SPRED2: variants seen among roughly 807,000 people sequenced by gnomAD.
The protein encoded by SPRED2 is sprouty related EVH1 domain containing 2.
Under a neutral mutation model 43.0 loss-of-function variants are expected in SPRED2, and 47 were observed. The ratio of observed to expected loss-of-function variants is 1.09; its 90% CI spans 0.87 to 1.40. SPRED2 has a LOEUF of 1.40. Ranked by LOEUF, SPRED2 falls within the 40% of genes most tolerant of loss-of-function variation. The pLI, the probability that SPRED2 is intolerant of heterozygous loss-of-function variation, is 0.00. For missense variants in SPRED2, 561 were observed against 586.4 expected, an observed-to-expected ratio of 0.96 and a Z score of 0.45; for synonymous variants, 225 against 225.7, an observed-to-expected ratio of 1.00 and a Z score of 0.03.
intron 1 of SPRED2, among the ~76,000 whole-genome samples, chr2:65,409,691 C>CAAAAAAA (rs59225849): frequency 2.2e-5 from 2 of 90,228 alleles, no homozygotes; most frequent in African/African-American, 4.7e-5. Flanking sequence ...CAGTTTCCTG[C>CAAAAAAA]AAAAAAAAAA....
rs1270396804 is a variant in SPRED2, at chr2:65,322,292, ATAT to A, written c.439-5412_439-5410del. Among the ~76,000 whole-genome samples the A allele has an allele frequency of 9.2e-3, 653 of 70,774 alleles. 50 individuals are homozygous for A. The highest frequency in any genetic ancestry group is 0.052 in the East Asian group (83 of 1,590). The allele number at this position is 70,774 out of a possible 152,430, so 46.4% of individuals were successfully genotyped here. On this transcript the variant is annotated intron_variant, in intron 4 of 5. Coordinates refer to ENST00000356388, the MANE Select transcript of SPRED2 (RefSeq NM_181784.3). ...TCTCTATATATATATATATATATAT[ATAT>A]TTTTTTTTTTTTTTTTGAGACGGAG...
intron 1 of SPRED2, among the ~76,000 whole-genome samples, chr2:65,360,100 C>CAAAAAAAAAAAAAAAAAAAAAAAAAAAA (rs57801875): frequency 9.7e-6 from 1 of 103,224 alleles, no homozygotes; most frequent in Non-Finnish European, 1.9e-5. Context: ...AAAAAAAAAA[C>CAAAAAAAAAAAAAAAAAAAAAAAAAAAA]AAAAAAAAAA....
intron 1 of SPRED2, among the ~76,000 whole-genome samples, chr2:65,389,724 ATAAC>A (rs966211933): frequency 3.9e-5 from 6 of 152,212 alleles, no homozygotes; most frequent in African/African-American, 1.4e-4. Flanking sequence ...AGTTCAGACA[ATAAC>A]TAAAGGTATT....
chr2:65,405,889 T>G (rs1400221660), intron 1 of SPRED2, among the ~76,000 whole-genome samples: 1 of 152,108 alleles, frequency 6.6e-6, no homozygotes, highest in African/African-American at 2.4e-5. Flanking sequence ...AAGTGACTGT[T>G]CCCACTTTCT....
intron 1 of SPRED2, among the ~76,000 whole-genome samples, chr2:65,350,207 G>C (rs1368448720): frequency 6.6e-6 from 1 of 152,190 alleles, no homozygotes; most frequent in African/African-American, 2.4e-5. Context: ...TGCAGGGTTT[G>C]TTAGTGGTGG....
intron 1 of SPRED2, among the ~76,000 whole-genome samples, chr2:65,382,159 A>G (rs1004181938): frequency 1.3e-5 from 2 of 152,198 alleles, no homozygotes; most frequent in African/African-American, 4.8e-5. Context: ...TGTGGGCAAA[A>G]GAACAATTTA....
At chr2:65,348,914 G>A (rs1303514008) in intron 1 of SPRED2, among the ~76,000 whole-genome samples, 1 of 151,936 alleles carries the variant, frequency 6.6e-6, no homozygotes, top group African/African-American at 2.4e-5. Flanking sequence ...CCTAAAAATT[G>A]AAAAATCATG....
At chr2:65,338,383 G>A (rs1674045598) in intron 2 of SPRED2, among the ~76,000 whole-genome samples, 2 of 149,846 alleles carry the variant, frequency 1.3e-5, no homozygotes, top group South Asian at 2.1e-4. Context: ...ATCTCGGCTC[G>A]CTGCAGCCTC....
chr2:65,316,802 G>T lies in SPRED2; in HGVS notation c.520C>A (p.His174Asn), dbSNP rs1290452834. The change falls in exon 5 of 6, where the codon CAC (histidine) becomes AAC (asparagine). Residue 174 changes from histidine to asparagine, a missense_variant. Physicochemically the swap from His to Asn is moderately conservative, Grantham distance 68 (BLOSUM62 1). Transcript: ENST00000356388. ...RTISSPTSCE[H>N]RRIYTLGHLH... ...TGGCCCAGGGTATAAATCCTCCGGT[G>T]CTCACAGGATGTGGGAGAGGAGATT... 1 of 1,613,592 alleles carries T rather than the reference G, an allele frequency of 6.2e-7. No homozygotes were observed. The highest frequency in any genetic ancestry group is 1.3e-5 in the African/African-American group (1 of 75,054).
intron 1 of SPRED2, among the ~76,000 whole-genome samples, chr2:65,369,865 T>C (rs1369163243): frequency 1.3e-5 from 2 of 152,252 alleles, no homozygotes; most frequent in Non-Finnish European, 2.9e-5. Context: ...TCTTAGAACC[T>C]GGAAAGCAGC....
chr2:65,332,950 G>C (rs141362861), intron 3 of SPRED2, among the ~76,000 whole-genome samples: 58 of 152,274 alleles, frequency 3.8e-4, no homozygotes, highest in African/African-American at 1.3e-3. Flanking sequence ...TTCTTGGTTA[G>C]ATCTTTTAAA....
At chr2:65,369,339 T>C (rs995379071) in intron 1 of SPRED2, among the ~76,000 whole-genome samples, 5 of 152,216 alleles carry the variant, frequency 3.3e-5, no homozygotes, top group African/African-American at 1.2e-4. Context: ...CCTGAGAATA[T>C]TGTTCAAGTT....
chr2:65,406,767 C>G lies in SPRED2; in HGVS notation c.26+25195G>C, dbSNP rs74649692. ...CTTGCAGGAAGCTAACCTGTTCCAC[C>G]AGAATGGCCTGATAAAGGCAGCCGC... On this transcript the variant is annotated intron_variant, in intron 1 of 5. Transcript: ENST00000356388. Among the ~76,000 whole-genome samples, 23 of 152,274 alleles carry G rather than the reference C, an allele frequency of 1.5e-4. 1 individual carries two copies. The East Asian group carries it at 4.3e-3, about 28-fold the overall frequency.
chr2:65,417,930 ACT>A, intron 1 of SPRED2, among the ~76,000 whole-genome samples: 1 of 152,326 alleles, frequency 6.6e-6, no homozygotes, highest in South Asian at 2.1e-4. Context: ...ACAAAACTTC[ACT>A]TGGGTTAATT....
chr2:65,398,146 C>T (rs1675800487), intron 1 of SPRED2, among the ~76,000 whole-genome samples: 1 of 152,154 alleles, frequency 6.6e-6, no homozygotes, highest in Non-Finnish European at 1.5e-5. Flanking sequence ...AAAAAGAACA[C>T]CCTATTCAAC....
intron 1 of SPRED2, chr2:65,366,586 G>A (rs752652056): frequency 2.3e-5 from 36 of 1,553,030 alleles, no homozygotes; most frequent in East Asian, 4.9e-5. Context: ...CAGTAAGCAC[G>A]TACCTGCCAG....
chr2:65,341,343 G>C (rs752079837), intron 2 of SPRED2, among the ~76,000 whole-genome samples: 7 of 151,738 alleles, frequency 4.6e-5, no homozygotes, highest in Non-Finnish European at 7.4e-5. Context: ...CAGGAAAAGG[G>C]GTGGGGAAAT....
At chr2:65,412,942 C>T (rs1404426196) in intron 1 of SPRED2, among the ~76,000 whole-genome samples, 3 of 152,176 alleles carry the variant, frequency 2.0e-5, no homozygotes, top group Non-Finnish European at 1.5e-5. Context: ...CAGCAACTGA[C>T]CTATTATGGT....
chr2:65,418,869 A>AT (rs111548471), intron 1 of SPRED2, among the ~76,000 whole-genome samples: 56,851 of 151,254 alleles, frequency 0.38, 10,834 homozygotes, highest in Middle Eastern at 0.5. Flanking sequence ...ATTTCTTATC[A>AT]TTTTTTTTTA....
Sources: allele counts gnomAD v4.1 joint callset (sites outside exome capture counted in the v4.1 genomes callset), GRCh38; gene constraint gnomAD v4.1.1; transcripts MANE v1.5; gene names NCBI Gene and HGNC (gene_info 2026-07-23, HGNC 2026-07-21).